FAM219A: variants seen among roughly 807,000 people sequenced by gnomAD.
FAM219A encodes family with sequence similarity 219 member A.
FAM219A carries 7 observed loss-of-function variants against 23.4 expected under a neutral mutation model. The observed-to-expected ratio is 0.30, with a 90% CI of 0.17 to 0.56. The LOEUF is 0.56. FAM219A is among the 20% of genes least tolerant of loss of function. The pLI, the probability that FAM219A is intolerant of heterozygous loss-of-function variation, is 0.92. For synonymous variants in FAM219A, 93 were observed against 99.0 expected, an observed-to-expected ratio of 0.94 and a Z score of 0.36; for missense variants, 166 against 246.9, an observed-to-expected ratio of 0.67 and a Z score of 2.20.
chr9:34,404,518 G>A (rs1360372926), intron 2 of FAM219A, among the ~76,000 whole-genome samples: 1 of 152,176 alleles, frequency 6.6e-6, no homozygotes. Flanking sequence ...GACCAGCCTG[G>A]CCAACATGGC....
chr9:34,458,260 T>A lies in FAM219A; in HGVS notation c.4A>T (p.Met2Leu). 3.2e-6 allele frequency: 5 copies of A among 1,562,404 alleles called. No homozygotes were observed. Among genetic ancestry groups the A allele is most frequent in the Non-Finnish European group, 4.3e-6 (5 of 1,158,162 alleles). ...ACCTGGAACCGGTCGATCTCCTCCATCATGGTGCCGGCGGGCGAGCGGGCC... is the reference window on the plus strand; with the variant it reads ...ACCTGGAACCGGTCGATCTCCTCCAACATGGTGCCGGCGGGCGAGCGGGCC... M[M>L]EEIDRFQVPT... Residue 2 changes from methionine (M) to leucine (L), a missense_variant, in exon 1 of 6, where the codon ATG becomes TTG. Met to Leu is a conservative substitution (Grantham distance 15). Transcript: ENST00000651358. The surrounding 1 kb of genome is among the most constrained non-coding windows in gnomAD (Gnocchi z 6.6).
intron 1 of FAM219A, among the ~76,000 whole-genome samples, chr9:34,418,026 G>A (rs967005445): frequency 6.6e-6 from 1 of 152,220 alleles, no homozygotes; most frequent in Non-Finnish European, 1.5e-5. Context: ...ATCTCACAGA[G>A]TGTGTCCCTT....
intron 1 of FAM219A, among the ~76,000 whole-genome samples, chr9:34,435,771 A>G (rs1283330022): frequency 6.6e-6 from 1 of 151,982 alleles, no homozygotes; most frequent in African/African-American, 2.4e-5. Flanking sequence ...TGGAGGTACC[A>G]TGATTTATTA....
In FAM219A at chr9:34,398,291, C is replaced by A; in HGVS notation, c.*2673G>T. 1.3e-6 allele frequency: 2 copies of A among 1,550,842 alleles called. No individual in the cohort carries two copies. Among genetic ancestry groups the A allele is most frequent in the Non-Finnish European group, 1.7e-6 (2 of 1,147,038 alleles). Reference sequence around the variant, plus strand: ...GTTAAAAAAAATATTATACACGGCTCATGTCTTCCACACACCTTCCTGGAA... The same window carrying A: ...GTTAAAAAAAATATTATACACGGCTAATGTCTTCCACACACCTTCCTGGAA... On this transcript the variant is annotated 3_prime_UTR_variant, in exon 6 of 6. Coordinates refer to ENST00000651358, the MANE Select transcript of FAM219A (RefSeq NM_001184940.2).
At chr9:34,420,411 CA>C (rs1228209827) in intron 1 of FAM219A, among the ~76,000 whole-genome samples, 1 of 152,154 alleles carries the variant, frequency 6.6e-6, no homozygotes, top group Non-Finnish European at 1.5e-5. Context: ...GGTACTTTGG[CA>C]GAGGGTTTAA....
At chr9:34,416,393 G>A (rs1822033581) in intron 1 of FAM219A, among the ~76,000 whole-genome samples, 1 of 152,152 alleles carries the variant, frequency 6.6e-6, no homozygotes, top group Non-Finnish European at 1.5e-5. Flanking sequence ...CTTAGCTTCA[G>A]TTGGGTTTTT....
rs1822887694 is a variant in FAM219A at position 34,435,840 on chromosome 9, G to A, written c.60+22364C>T. ...TTTTTTTTTGAGATGGAGTCTCACT[G>A]TATCACCCAGGCTGGAGTGCAATGG... On this transcript the variant is annotated intron_variant, in intron 1 of 5. Transcript: ENST00000651358. 2.6e-5 allele frequency among the ~76,000 whole-genome samples: 4 copies of A among 151,584 alleles called. No homozygotes were observed. The South Asian group carries it at 8.3e-4, about 32-fold the overall frequency.
At chr9:34,413,502 C>T (rs1821898373) in intron 1 of FAM219A, among the ~76,000 whole-genome samples, 1 of 152,164 alleles carries the variant, frequency 6.6e-6, no homozygotes. Context: ...GATTCAATAT[C>T]AGCCTTCCCA....
At chr9:34,425,877 G>A (rs1588052287) in intron 1 of FAM219A, among the ~76,000 whole-genome samples, 1 of 152,352 alleles carries the variant, frequency 6.6e-6, no homozygotes, top group East Asian at 1.9e-4. Context: ...TGCTGTTAGA[G>A]TTGAATGAAT....
At chr9:34,445,012 A>G (rs906488899) in intron 1 of FAM219A, among the ~76,000 whole-genome samples, 7 of 152,192 alleles carry the variant, frequency 4.6e-5, no homozygotes, top group Non-Finnish European at 1.0e-4. Flanking sequence ...CAGATGCTCA[A>G]AAGATGTTAT....
chr9:34,444,594 G>A (rs1206479644), intron 1 of FAM219A, among the ~76,000 whole-genome samples: 3 of 152,086 alleles, frequency 2.0e-5, no homozygotes, highest in South Asian at 2.1e-4. Flanking sequence ...ATTATTCTAC[G>A]TCCCTTACTT....
intron 1 of FAM219A, among the ~76,000 whole-genome samples, chr9:34,436,524 G>A (rs1039776663): frequency 5.3e-5 from 8 of 152,214 alleles, no homozygotes; most frequent in African/African-American, 1.9e-4. Context: ...GGGATTATAG[G>A]TGTGAGCCAC....
chr9:34,417,000 CTCCTTCT>C lies in FAM219A; in HGVS notation c.61-11043_61-11037del, dbSNP rs201896605. ...ATGTCACTGCACCTAGCTTTATCTT[CTCCTTCT>C]TCCTTCTTCCTTCTTCCCTCTTCCC... On this transcript the variant is annotated intron_variant, in intron 1 of 5. Transcript: ENST00000651358. Among the ~76,000 whole-genome samples, 1,000 of 151,550 alleles carry C rather than the reference CTCCTTCT, an allele frequency of 6.6e-3. 7 individuals carry two copies. The highest frequency in any genetic ancestry group is 0.019 in the African/African-American group (772 of 41,286).
intron 1 of FAM219A, among the ~76,000 whole-genome samples, chr9:34,414,548 T>C (rs1031872826): frequency 2.6e-5 from 4 of 152,100 alleles, no homozygotes; most frequent in African/African-American, 4.8e-5. Context: ...TAAAACAAAA[T>C]AAAAAGGTCC....
intron 1 of FAM219A, among the ~76,000 whole-genome samples, chr9:34,446,072 C>T (rs1023577352): frequency 2.0e-5 from 3 of 151,408 alleles, no homozygotes; most frequent in Non-Finnish European, 2.9e-5. Context: ...ACTCGGAAGG[C>T]TGAGGCAGAA....
intron 1 of FAM219A, among the ~76,000 whole-genome samples, chr9:34,437,404 G>A (rs1029507634): frequency 1.3e-5 from 2 of 152,184 alleles, no homozygotes; most frequent in African/African-American, 4.8e-5. Context: ...TCCATCCCCA[G>A]TGTCCTTCCA....
In FAM219A at chr9:34,458,196, C is replaced by A. The variant is rs760894337; in HGVS notation, c.60+8G>T. The stretch of plus-strand genomic sequence containing the variant: ...CGGCCTTGGCCTGCCCGCCGCCCGC[C>A]CCCTCACCAGCGGCTGCATCTCCGA... On this transcript the variant is annotated splice_region_variant and intron_variant, in intron 1 of 5. Transcript: ENST00000651358. This position sits in a 1 kb window ranked among gnomAD's most constrained non-coding sequence, Gnocchi z 6.6. 6.3e-7 allele frequency: 1 copy of A among 1,587,116 alleles called. No homozygotes were observed. Among genetic ancestry groups the A allele is most frequent in the East Asian group, 2.3e-5 (1 of 42,902 alleles).
intron 2 of FAM219A, 53 bp downstream of exon 2, chr9:34,405,812 C>G: frequency 1.9e-6 from 3 of 1,553,478 alleles, no homozygotes; most frequent in Non-Finnish European, 2.7e-6. Context: ...TAGACCCAGC[C>G]CAGAGTATCT....
chr9:34,448,817 T>C (rs945809481), intron 1 of FAM219A, among the ~76,000 whole-genome samples: 24 of 152,038 alleles, frequency 1.6e-4, no homozygotes, highest in African/African-American at 5.8e-4. Context: ...GGCATAAGAA[T>C]GATATAATGG....
Sources: allele counts gnomAD v4.1 joint callset (sites outside exome capture counted in the v4.1 genomes callset), GRCh38; gene constraint gnomAD v4.1.1; non-coding constraint Gnocchi (gnomAD v3.1); transcripts MANE v1.5; gene names NCBI Gene and HGNC (gene_info 2026-07-23, HGNC 2026-07-21).